Variants in RGP1 observed in about 807,000 individuals in gnomAD.
RGP1 encodes RGP1 partner of RAB6A GEF complex.
In RGP1, 28 loss-of-function variants were observed where a neutral mutation model predicts 44.5. The observed-to-expected ratio is 0.63, with a 90% CI of 0.47 to 0.86. The LOEUF (loss-of-function observed/expected upper bound fraction) is 0.86. Ranked by LOEUF, RGP1 falls within the 40% of genes least tolerant of loss-of-function variation. RGP1 has a pLI of 0.00. For missense variants in RGP1, 417 were observed against 490.7 expected (o/e 0.85, Z 1.42); for synonymous variants, 212 against 196.7 (o/e 1.08, Z -0.65).
intron 8 of RGP1, 51 bp downstream of exon 8, chr9:35,752,196 G>A: frequency 6.8e-7 from 1 of 1,478,942 alleles, no homozygotes; most frequent in Non-Finnish European, 9.1e-7. Context: ...GTAAAATGCT[G>A]TGCTAAGGGA....
At chr9:35,786,002 ACTGCTT>A in the RGP1 span, among the ~76,000 whole-genome samples, 1 of 152,122 alleles carries the variant, frequency 6.6e-6, no homozygotes, top group Non-Finnish European at 1.5e-5. Flanking sequence ...TTACATCGCC[ACTGCTT>A]AGCTTCTCTT....
At chr9:35,776,728 G>A in the RGP1 span, among the ~76,000 whole-genome samples, 6 of 151,982 alleles carry the variant, frequency 3.9e-5, no homozygotes, top group Non-Finnish European at 8.8e-5. Context: ...AGGCGCGGTG[G>A]TTCACGCCTG....
the RGP1 span, among the ~76,000 whole-genome samples, chr9:35,789,586 T>A: frequency 6.7e-6 from 1 of 149,780 alleles, no homozygotes; most frequent in Admixed American, 6.6e-5. Context: ...GATGCTTGAA[T>A]GTTTAATCCC....
chr9:35,765,656 C>CAA, the RGP1 span, among the ~76,000 whole-genome samples: 282 of 110,098 alleles, frequency 2.6e-3, no homozygotes, highest in Middle Eastern at 0.014. Context: ...GACCCTGTCT[C>CAA]AAAAAAAAAA....
downstream of RGP1, among the ~76,000 whole-genome samples, chr9:35,759,536 C>CAG (rs1827398509): frequency 1.5e-5 from 2 of 129,148 alleles, no homozygotes; most frequent in Admixed American, 1.8e-4. Context: ...CACTGCACTC[C>CAG]AGCCTGGGTG....
At chr9:35,766,196 C>T in the RGP1 span, among the ~76,000 whole-genome samples, 1 of 149,022 alleles carries the variant, frequency 6.7e-6, no homozygotes, top group Non-Finnish European at 1.5e-5. Context: ...AGTGCTGCCT[C>T]ATTGTGGTTT....
rs367721053 is a variant in RGP1, at chr9:35,754,821, G to A, written c.*1947G>A. ...GCTGCCCCTCAGAGATGGTGGGGAG[G>A]GTCTCTTTTCCTCAGGCATTCCAGA... On this transcript the variant is annotated 3_prime_UTR_variant, in exon 9 of 9. Transcript: ENST00000378078. 6.6e-6 allele frequency: 1 copy of A among 152,180 alleles called. No homozygotes were observed. Among genetic ancestry groups the A allele is most frequent in the East Asian group, 1.9e-4 (1 of 5,182 alleles). 9.4% of individuals were successfully genotyped at this position (152,180 alleles called of 1,614,324 possible).
chr9:35,753,157 T>G lies in RGP1; in HGVS notation c.*283T>G. On this transcript the variant is annotated 3_prime_UTR_variant, in exon 9 of 9. Coordinates refer to ENST00000378078, the MANE Select transcript of RGP1 (RefSeq NM_001080496.3). The surrounding 1 kb of genome is among the most constrained non-coding windows in gnomAD (Gnocchi z 4.2). ...CAGGGGTGTTGGCTGAGCCCCATTC[T>G]GGGTCAGGCCCTCCCCCTTTGCAGG... 6.2e-7 allele frequency: 1 copy of G among 1,614,220 alleles called. No individual in the cohort carries two copies. The highest frequency in any genetic ancestry group is 1.3e-5 in the African/African-American group (1 of 75,048).
chr9:35,767,291 T>TTG, the RGP1 span, among the ~76,000 whole-genome samples: 1 of 150,390 alleles, frequency 6.6e-6, no homozygotes, highest in Non-Finnish European at 1.5e-5. Context: ...TGGTTTTTTT[T>TTG]TTTTTTTTTT....
the RGP1 span, among the ~76,000 whole-genome samples, chr9:35,775,777 T>C: frequency 6.6e-6 from 1 of 152,208 alleles, no homozygotes; most frequent in Non-Finnish European, 1.5e-5. Flanking sequence ...CAAACTCTTT[T>C]AAAAAAATTT....
chr9:35,780,613 G>A, the RGP1 span: 2 of 152,252 alleles, frequency 1.3e-5, no homozygotes, highest in African/African-American at 4.8e-5. Flanking sequence ...GCTCACACCT[G>A]TGATCCCAGC....
chr9:35,788,882 T>C, the RGP1 span, among the ~76,000 whole-genome samples: 1 of 152,096 alleles, frequency 6.6e-6, no homozygotes, highest in Admixed American at 6.6e-5. Flanking sequence ...CCCTCAAACA[T>C]GAAAAAATAA....
At position 35,753,630 on chromosome 9, in the gene RGP1, C is replaced by A; in HGVS notation, c.*756C>A. 6.5e-7 allele frequency: 1 copy of A among 1,547,262 alleles called. No homozygotes were observed. Among genetic ancestry groups the A allele is most frequent in the South Asian group, 1.1e-5 (1 of 89,118 alleles). On this transcript the variant is annotated 3_prime_UTR_variant, in exon 9 of 9. Coordinates refer to ENST00000378078, the MANE Select transcript of RGP1 (RefSeq NM_001080496.3). This position sits in a 1 kb window ranked among gnomAD's most constrained non-coding sequence, Gnocchi z 4.2. ...ATCCCTCAGTCACTCATATCAGAGT[C>A]ATTCTCTCTGGCCATCTTTGGTCAC...
chr9:35,789,079 G>A, the RGP1 span, among the ~76,000 whole-genome samples: 504 of 151,394 alleles, frequency 3.3e-3, 4 homozygotes, highest in African/African-American at 0.011. Flanking sequence ...GCACAGTGGC[G>A]CGATCTCTGC....
the RGP1 span, among the ~76,000 whole-genome samples, chr9:35,764,383 T>C: frequency 1.3e-5 from 2 of 152,260 alleles, no homozygotes; most frequent in East Asian, 1.9e-4. Flanking sequence ...TTCAGAAGGC[T>C]AATGGAGCAA....
At chr9:35,782,507 C>G in the RGP1 span, among the ~76,000 whole-genome samples, 1 of 150,286 alleles carries the variant, frequency 6.7e-6, no homozygotes, top group South Asian at 2.1e-4. Context: ...AGTGCAGTGG[C>G]ACGACCTCGG....
In RGP1 at chr9:35,750,211, A is replaced by C. The variant is rs745926489; in HGVS notation, c.117-32A>C. ...GAAAGCATTTGTGAGGTCAGGAACTACCTCTGATGCCTCCTTTTCCTTTTC... is the reference window on the plus strand; with the variant it reads ...GAAAGCATTTGTGAGGTCAGGAACTCCCTCTGATGCCTCCTTTTCCTTTTC... On this transcript the variant is annotated intron_variant, in intron 2 of 8. Coordinates refer to ENST00000378078, the MANE Select transcript of RGP1 (RefSeq NM_001080496.3). 16 of 1,604,568 alleles carry C rather than the reference A, an allele frequency of 1.0e-5. No homozygotes were observed. The Admixed American group carries it at 2.7e-4, about 27-fold the overall frequency.
At chr9:35,780,441 TG>T in the RGP1 span, 1 of 152,222 alleles carries the variant, frequency 6.6e-6, no homozygotes. Flanking sequence ...TGAAGACTGA[TG>T]GGTGGCAGGT....
downstream of RGP1, among the ~76,000 whole-genome samples, chr9:35,760,947 T>C (rs989800857): frequency 2.6e-5 from 4 of 152,248 alleles, no homozygotes; most frequent in African/African-American, 7.2e-5. Flanking sequence ...GTGATTATGC[T>C]GGCTTGCTTT....
Sources: allele counts gnomAD v4.1 joint callset (sites outside exome capture counted in the v4.1 genomes callset), GRCh38; gene constraint gnomAD v4.1.1; non-coding constraint Gnocchi (gnomAD v3.1); transcripts MANE v1.5; gene names NCBI Gene and HGNC (gene_info 2026-07-23, HGNC 2026-07-21).